The following OPHN1 variants were observed in gnomAD, a reference collection of about 807,000 sequenced individuals.
OPHN1 encodes oligophrenin 1.
In OPHN1, 11 loss-of-function variants were observed where a neutral mutation model predicts 60.7. The ratio of observed to expected loss-of-function variants is 0.18; its 90% CI spans 0.11 to 0.30. The LOEUF (loss-of-function observed/expected upper bound fraction) is 0.30. Among genes scored for constraint, OPHN1 ranks in the 10% least tolerant of loss-of-function variants. OPHN1 has a pLI of 1.00. For missense variants in OPHN1, 449 were observed against 611.0 expected, an observed-to-expected ratio of 0.73 and a Z score of 2.80; for synonymous variants, 226 against 222.6, an observed-to-expected ratio of 1.02 and a Z score of -0.14.
intron 2 of OPHN1, among the ~76,000 whole-genome samples, chrX:68,311,167 A>G (rs5965540): frequency 0.082 from 9,109 of 111,171 alleles, 936 homozygotes; most frequent in African/African-American, 0.28. Context: ...AGGTGGTTGG[A>G]GGGAAGTTGA....
intron 15 of OPHN1, among the ~76,000 whole-genome samples, chrX:68,129,400 A>G (rs1011997956): frequency 3.6e-5 from 4 of 111,897 alleles, no homozygotes; most frequent in African/African-American, 1.3e-4. Context: ...CAAGAGATTA[A>G]TTCATTGGGT....
At chrX:68,133,937 G>A (rs1294039677) in intron 15 of OPHN1, among the ~76,000 whole-genome samples, 1 of 111,115 alleles carries the variant, frequency 9.0e-6, no homozygotes, top group Non-Finnish European at 1.9e-5. Context: ...CACTTTGAGA[G>A]GCGGACGTGC....
intron 21 of OPHN1, among the ~76,000 whole-genome samples, chrX:68,060,505 A>G (rs1032578968): frequency 1.8e-5 from 2 of 112,298 alleles, no homozygotes; most frequent in Non-Finnish European, 3.8e-5. Flanking sequence ...GGAACAGAAA[A>G]GGATCCTTGA....
intron 2 of OPHN1, among the ~76,000 whole-genome samples, chrX:68,396,938 C>A (rs997993033): frequency 1.8e-5 from 2 of 111,981 alleles, no homozygotes; most frequent in Non-Finnish European, 1.9e-5. Flanking sequence ...GAGCTTCCCC[C>A]CAGGGGCATA....
At chrX:68,092,607 A>C (rs2077022907) in intron 19 of OPHN1, among the ~76,000 whole-genome samples, 1 of 111,748 alleles carries the variant, frequency 8.9e-6, no homozygotes, top group Non-Finnish European at 1.9e-5. Flanking sequence ...AACGGTGTGA[A>C]AATCTCACTT....
intron 2 of OPHN1, among the ~76,000 whole-genome samples, chrX:68,307,442 C>T (rs1331170151): frequency 1.0e-5 from 1 of 97,634 alleles, no homozygotes; most frequent in African/African-American, 4.3e-5. Context: ...GGTGACAGAG[C>T]GAGACCCTAT....
intron 2 of OPHN1, among the ~76,000 whole-genome samples, chrX:68,407,788 A>T (rs2078750859): frequency 8.9e-6 from 1 of 112,467 alleles, no homozygotes; most frequent in African/African-American, 3.2e-5. Flanking sequence ...TTGTAATATA[A>T]TGGTCAAAAT....
In OPHN1 at chrX:68,430,837, G is replaced by GA. The variant is rs746175081; in HGVS notation, c.154+2029dup. On this transcript the variant is annotated intron_variant, in intron 2 of 24. Coordinates refer to ENST00000355520, the MANE Select transcript of OPHN1 (RefSeq NM_002547.3). ...AGACTTCATCTCAAAAACAAAAATT[G>GA]AAAAAAAAAGAAAGAAAAGGAAAGA... Among the ~76,000 whole-genome samples the GA allele has an allele frequency of 1.3e-4, 14 of 107,078 alleles. No homozygotes were observed. In the South Asian group the frequency reaches 4.4e-3, roughly 34 times the overall value. The allele number at this position is 107,078 out of a possible 115,157, so 93.0% of individuals were successfully genotyped here.
At chrX:68,050,910 T>G (rs2076849097) in intron 23 of OPHN1, among the ~76,000 whole-genome samples, 1 of 112,696 alleles carries the variant, frequency 8.9e-6, no homozygotes, top group Non-Finnish European at 1.9e-5. Context: ...AAAAAACTTC[T>G]GAGGTGAAAA....
At chrX:68,239,612 T>C (rs909421446) in intron 5 of OPHN1, among the ~76,000 whole-genome samples, 1 of 111,127 alleles carries the variant, frequency 9.0e-6, no homozygotes, top group Non-Finnish European at 1.9e-5. Context: ...ATATTAACTT[T>C]GGCAAATTAC....
chrX:68,182,188 GTT>G (rs397951860), intron 15 of OPHN1, among the ~76,000 whole-genome samples: 92 of 46,133 alleles, frequency 2.0e-3, no homozygotes, highest in African/African-American at 7.2e-3. Flanking sequence ...AAGCTCTGTA[GTT>G]TTTTTTTTTT....
intron 23 of OPHN1, among the ~76,000 whole-genome samples, chrX:68,050,699 A>G (rs1384669896): frequency 1.8e-5 from 2 of 111,842 alleles, no homozygotes; most frequent in African/African-American, 6.5e-5. Flanking sequence ...CAACTCATAT[A>G]TCACCTCCTC....
chrX:68,156,745 T>C (rs1277292450), intron 15 of OPHN1, among the ~76,000 whole-genome samples: 4 of 111,865 alleles, frequency 3.6e-5, no homozygotes, highest in Non-Finnish European at 5.6e-5. Flanking sequence ...AAAAACAATA[T>C]GACTTGAAAA....
chrX:68,339,490 A>G (rs753387300), intron 2 of OPHN1, among the ~76,000 whole-genome samples: 6 of 112,472 alleles, frequency 5.3e-5, no homozygotes, highest in Non-Finnish European at 1.1e-4. Flanking sequence ...TATGCAGATG[A>G]CATGATCTTG....
chrX:68,060,265 C>G (rs145101709), intron 21 of OPHN1, among the ~76,000 whole-genome samples: 1 of 111,130 alleles, frequency 9.0e-6, no homozygotes, highest in Non-Finnish European at 1.9e-5. Flanking sequence ...AGATGGCCAA[C>G]GCTGCTGAAG....
intron 2 of OPHN1, among the ~76,000 whole-genome samples, chrX:68,402,426 G>A (rs1295867394): frequency 9.0e-6 from 1 of 110,705 alleles, no homozygotes; most frequent in Admixed American, 9.7e-5. Context: ...GAAAAGAGAA[G>A]AGCCTGTCTT....
chrX:68,230,309 G>C (rs1295537020), intron 6 of OPHN1, among the ~76,000 whole-genome samples: 2 of 111,768 alleles, frequency 1.8e-5, no homozygotes, highest in Non-Finnish European at 1.9e-5. Context: ...CTTTTACACT[G>C]TTGGTGGGAG....
At position 68,197,174 on chromosome X, in the gene OPHN1, C is replaced by T; in HGVS notation, c.1104+12G>A. ...TATGCTGGGGAGGTTTCCCCAGTGT[C>T]AGGTAACTTACAGGTTCTTTCCCAT... is the stretch of plus-strand genomic sequence containing the variant. On this transcript the variant is annotated intron_variant, in intron 12 of 24. Transcript: ENST00000355520. 1 of 1,192,991 alleles carries T rather than the reference C, an allele frequency of 8.4e-7. No individual in the cohort carries two copies. The highest frequency in any genetic ancestry group is 1.1e-6 in the Non-Finnish European group (1 of 878,754).
intron 2 of OPHN1, among the ~76,000 whole-genome samples, chrX:68,393,887 T>TTTTTG (rs2078667556): frequency 3.7e-5 from 2 of 53,554 alleles, no homozygotes; most frequent in East Asian, 6.0e-4. Context: ...TAGACTTTGT[T>TTTTTG]TTTTTTTTTT....
Sources: gnomAD v4.1 joint callset for allele counts (sites outside exome capture counted in the v4.1 genomes callset) on GRCh38, gnomAD v4.1.1 for gene constraint, MANE v1.5 for transcripts, NCBI Gene and HGNC (gene_info 2026-07-23, HGNC 2026-07-21) for gene names.